MVB12B: variants seen among roughly 807,000 people sequenced by gnomAD.
MVB12B encodes the protein multivesicular body subunit 12B.
In MVB12B, 16 loss-of-function variants were observed where a neutral mutation model predicts 41.6. The ratio of observed to expected loss-of-function variants is 0.38; its 90% CI spans 0.26 to 0.58. The LOEUF (loss-of-function observed/expected upper bound fraction) is 0.58. Among genes scored for constraint, MVB12B ranks in the 20% least tolerant of loss-of-function variants. MVB12B has a pLI of 0.62. For missense variants in MVB12B, 274 were observed against 380.2 expected (o/e 0.72, Z 2.32); for synonymous variants, 133 against 139.7 (o/e 0.95, Z 0.34).
intron 7 of MVB12B, among the ~76,000 whole-genome samples, chr9:126,472,186 G>C (rs540338507): frequency 1.3e-5 from 2 of 152,058 alleles, no homozygotes; most frequent in African/African-American, 4.8e-5. Flanking sequence ...TTGGTCAGTG[G>C]TGGGTTTGTG....
intron 6 of MVB12B, among the ~76,000 whole-genome samples, chr9:126,398,353 C>T (rs1831177295): frequency 6.6e-6 from 1 of 152,140 alleles, no homozygotes; most frequent in Non-Finnish European, 1.5e-5. Context: ...ACTCCCTGGT[C>T]CCTGAGCACT....
chr9:126,422,282 C>T (rs571090896), intron 7 of MVB12B, among the ~76,000 whole-genome samples: 22 of 152,300 alleles, frequency 1.4e-4, no homozygotes, highest in African/African-American at 5.1e-4. Context: ...GGAGCAGCGC[C>T]GAGCTGAGCC....
chr9:126,421,752 C>G (rs934674802), intron 6 of MVB12B, 102 bp from the exon 7 acceptor site: 1 of 870,638 alleles, frequency 1.1e-6, no homozygotes, highest in Non-Finnish European at 1.9e-6. Flanking sequence ...CTGCTCTGCC[C>G]GCTGATCTGT....
At chr9:126,380,359 A>G (rs1004610777) in intron 2 of MVB12B, among the ~76,000 whole-genome samples, 1 of 152,138 alleles carries the variant, frequency 6.6e-6, no homozygotes, top group Non-Finnish European at 1.5e-5. Flanking sequence ...GGGCTTTGAT[A>G]CTCAGATCAA....
At position 126,389,730 on chromosome 9, in the gene MVB12B, C is replaced by T. The variant is rs1231128154; in HGVS notation, c.410-2336C>T. Among the ~76,000 whole-genome samples the T allele has an allele frequency of 3.9e-5, 6 of 151,978 alleles. No homozygotes were observed. Among genetic ancestry groups the T allele is most frequent in the Non-Finnish European group, 7.4e-5 (5 of 67,992 alleles). On this transcript the variant is annotated intron_variant, in intron 4 of 9. Coordinates refer to ENST00000361171, the MANE Select transcript of MVB12B (RefSeq NM_033446.3). The surrounding 1 kb of genome is among the most constrained non-coding windows in gnomAD (Gnocchi z 4.4). Reference sequence around the variant, plus strand: ...GAAGTTGCAGAGTTGCCATGAGCAGCGCCCCCAACTCCCCAGGTTGCTGTC... The same window carrying T: ...GAAGTTGCAGAGTTGCCATGAGCAGTGCCCCCAACTCCCCAGGTTGCTGTC...
intron 6 of MVB12B, among the ~76,000 whole-genome samples, chr9:126,409,479 AT>A (rs35445972): frequency 0.89 from 132,631 of 149,384 alleles, 58,136 homozygotes; most frequent in African/African-American, 0.93. Flanking sequence ...TGAGAATTAA[AT>A]TGGGGGGGGA....
At chr9:126,347,322 C>T (rs1829623095) in intron 2 of MVB12B, among the ~76,000 whole-genome samples, 1 of 152,236 alleles carries the variant, frequency 6.6e-6, no homozygotes, top group Non-Finnish European at 1.5e-5. Context: ...GGCCAGCTGC[C>T]CTGGGAGTCT....
At chr9:126,402,732 C>T (rs1228681160) in intron 6 of MVB12B, among the ~76,000 whole-genome samples, 1 of 152,240 alleles carries the variant, frequency 6.6e-6, no homozygotes, top group African/African-American at 2.4e-5. Context: ...AGGTCATGTC[C>T]AGGCATAACT....
chr9:126,442,351 C>CTCA (rs1205594314), intron 7 of MVB12B, among the ~76,000 whole-genome samples: 1 of 152,130 alleles, frequency 6.6e-6, no homozygotes, highest in Non-Finnish European at 1.5e-5. Context: ...AAGCCATGTA[C>CTCA]TCATGGTGGG....
At chr9:126,477,724 G>A (rs1833448209) in intron 7 of MVB12B, among the ~76,000 whole-genome samples, 1 of 152,186 alleles carries the variant, frequency 6.6e-6, no homozygotes, top group Admixed American at 6.5e-5. Flanking sequence ...GGGATTATAG[G>A]AGCTACAATT....
chr9:126,353,070 G>A (rs985805998), intron 2 of MVB12B, among the ~76,000 whole-genome samples: 3 of 152,180 alleles, frequency 2.0e-5, no homozygotes, highest in African/African-American at 7.2e-5. Context: ...GATGAGGATT[G>A]TGGCTGGTGA....
chr9:126,433,052 G>A (rs1259901638), intron 7 of MVB12B, among the ~76,000 whole-genome samples: 4 of 152,158 alleles, frequency 2.6e-5, no homozygotes, highest in Admixed American at 1.3e-4. Context: ...CTCTTGCTGG[G>A]CAAAACAGTG....
In MVB12B at chr9:126,376,758, C is replaced by A. The variant is rs78591746; in HGVS notation, c.205-4306C>A. ...CTCCTCCTGACCTCCAGCCTCCTTC[C>A]CCACCTGCCGGGCTTGTAGAGTCCT... On this transcript the variant is annotated intron_variant, in intron 2 of 9. Coordinates refer to ENST00000361171, the MANE Select transcript of MVB12B (RefSeq NM_033446.3). This position sits in a 1 kb window ranked among gnomAD's most constrained non-coding sequence, Gnocchi z 4.1. 75 of 1,223,168 alleles carry A rather than the reference C, an allele frequency of 6.1e-5. No individual in the cohort carries two copies. In the African/African-American group the frequency reaches 1.1e-3, roughly 17 times the overall value. 75.8% of individuals were successfully genotyped at this position (1,223,168 alleles called of 1,614,324 possible). A position where few individuals can be genotyped will look rare whatever the true frequency, so the allele number is the denominator to read the frequency against.
rs539279604 is a variant in MVB12B, at chr9:126,398,133, C to T, written c.662+2436C>T. On this transcript the variant is annotated intron_variant, in intron 6 of 9. Transcript: ENST00000361171. ...ATGAGGTGTGTTTGACAGGTCTCAGCGCAGAGGACTTCTCTCCCGGGAAGC... is the reference window on the plus strand; with the variant it reads ...ATGAGGTGTGTTTGACAGGTCTCAGTGCAGAGGACTTCTCTCCCGGGAAGC... Among the ~76,000 whole-genome samples the T allele has an allele frequency of 3.2e-4, 49 of 152,096 alleles. 1 individual carries two copies. The highest frequency in any genetic ancestry group is 2.1e-4 in the South Asian group (1 of 4,776).
intron 6 of MVB12B, among the ~76,000 whole-genome samples, chr9:126,398,245 G>A (rs1831173610): frequency 6.6e-6 from 1 of 151,784 alleles, no homozygotes; most frequent in African/African-American, 2.4e-5. Context: ...GGTGGTGAGG[G>A]CATGTGGTGA....
chr9:126,415,636 G>A (rs899633562), intron 6 of MVB12B, among the ~76,000 whole-genome samples: 10 of 152,120 alleles, frequency 6.6e-5, no homozygotes, highest in Admixed American at 2.0e-4. Flanking sequence ...GAAGTTTCCC[G>A]AAACTATCCC....
At chr9:126,419,600 A>G (rs1451581504) in intron 6 of MVB12B, among the ~76,000 whole-genome samples, 2 of 152,160 alleles carry the variant, frequency 1.3e-5, no homozygotes, top group Non-Finnish European at 2.9e-5. Flanking sequence ...GTTCTGCTCA[A>G]CCACAACCAC....
intron 1 of MVB12B, among the ~76,000 whole-genome samples, chr9:126,328,273 A>G (rs187735773): frequency 6.6e-6 from 1 of 152,280 alleles, no homozygotes; most frequent in East Asian, 1.9e-4. Context: ...CCGGGCTCCA[A>G]GCCCCATGGG....
intron 1 of MVB12B, among the ~76,000 whole-genome samples, chr9:126,337,710 A>G (rs529044955): frequency 1.5e-4 from 23 of 152,330 alleles, no homozygotes; most frequent in African/African-American, 5.1e-4. Context: ...TCCAAATGCA[A>G]CAGACCTGTT....
Sources: gnomAD v4.1 joint callset for allele counts (sites outside exome capture counted in the v4.1 genomes callset) on GRCh38, gnomAD v4.1.1 for gene constraint, Gnocchi (gnomAD v3.1) non-coding constraint, MANE v1.5 for transcripts, NCBI Gene and HGNC (gene_info 2026-07-23, HGNC 2026-07-21) for gene names.